The following SETD1B variants were observed in gnomAD, a reference collection of about 807,000 sequenced individuals.
The protein encoded by SETD1B is histone-lysine N-methyltransferase SETD1B.
In SETD1B, 7 loss-of-function variants were observed where a neutral mutation model predicts 148.0. That is an observed-to-expected ratio of 0.05 (90% confidence interval 0.03 to 0.09). SETD1B has a LOEUF of 0.09. Ranked by LOEUF, SETD1B falls within the 10% of genes least tolerant of loss-of-function variation. The pLI is 1.00. For synonymous variants in SETD1B, 1,361 were observed against 1,186.5 expected (o/e 1.15, Z -3.02); for missense variants, 2,155 against 2,729.9 (o/e 0.79, Z 4.69).
chr12:121,819,953 C>G (rs904504208), intron 11 of SETD1B, 58 bp downstream of exon 11: 53 of 1,415,440 alleles, frequency 3.7e-5, no homozygotes, highest in Non-Finnish European at 5.1e-5. Context: ...TCCTCACTGT[C>G]AGAATCAGCC....
chr12:121,821,436 TAA>T (rs554956574), intron 11 of SETD1B, among the ~76,000 whole-genome samples: 16 of 116,554 alleles, frequency 1.4e-4, no homozygotes, highest in Non-Finnish European at 1.3e-4. Context: ...GAGACTGTCT[TAA>T]AAAAAAAAAA....
At chr12:121,829,261 G>A (rs1254867361) in intron 16 of SETD1B, among the ~76,000 whole-genome samples, 2 of 152,180 alleles carry the variant, frequency 1.3e-5, no homozygotes, top group Non-Finnish European at 2.9e-5. Flanking sequence ...AGGGGTGAGA[G>A]TGGCCAAGGG....
At chr12:121,814,083 G>T in intron 6 of SETD1B, 23 bp from the exon 7 acceptor site, 1 of 1,537,742 alleles carries the variant, frequency 6.5e-7, no homozygotes. Flanking sequence ...TCACCTCACT[G>T]TCTCTCCCTG....
chr12:121,824,094 G>A (rs1359745631), intron 12 of SETD1B, among the ~76,000 whole-genome samples: 1 of 152,192 alleles, frequency 6.6e-6, no homozygotes. Context: ...AATCCCGGTA[G>A]CCTGGTGAAG....
At position 121,805,056 on chromosome 12, in the gene SETD1B, G is replaced by A; in HGVS notation, c.175-62G>A. On this transcript the variant is annotated intron_variant, in intron 2 of 16. Coordinates refer to ENST00000604567, the MANE Select transcript of SETD1B (RefSeq NM_001353345.2). The surrounding 1 kb of genome is among the most constrained non-coding windows in gnomAD (Gnocchi z 4.2). ...GAGTTTGACAAGTGCCTCGAGAAAG[G>A]GGTCTGCCCATGGGGAGGGGGACCA... The A allele has an allele frequency of 6.6e-7, 1 of 1,510,406 alleles. No homozygotes were observed. The highest frequency in any genetic ancestry group is 1.2e-5 in the South Asian group (1 of 82,612). The allele number at this position is 1,510,406 out of a possible 1,614,324, so 93.6% of individuals were successfully genotyped here.
chr12:121,830,212 C>T lies in SETD1B; in HGVS notation c.5874C>T (p.Ser1958=), dbSNP rs555503031. Residue 1958 remains serine (S), a synonymous_variant, in exon 17 of 17, where the codon TCC becomes TCT. Coordinates refer to ENST00000604567, the MANE Select transcript of SETD1B (RefSeq NM_001353345.2). This position sits in a 1 kb window ranked among gnomAD's most constrained non-coding sequence, Gnocchi z 5.7. ...TCAAGATCCCCTGCCTCTGTGGCTC[C>T]GAGAACTGCCGGGGGACCCTCAACT... ...EDVKIPCLCG[S]ENCRGTLN 28 of 1,551,118 alleles carry T rather than the reference C, an allele frequency of 1.8e-5. No individual in the cohort carries two copies. In the South Asian group the frequency reaches 2.4e-4, roughly 13 times the overall value.
At position 121,814,291 on chromosome 12, in the gene SETD1B, C is replaced by A. The variant is rs1368043466; in HGVS notation, c.2076C>A (p.Pro692=). ...PPPPGFPPLP[P]PPPPPPPQPG... is the part of the protein sequence containing the mutation. Reference sequence around the variant, plus strand: ...CACCTGGCTTCCCCCCGCTGCCCCCCCCACCACCACCACCCCCACCGCAGC... The same window carrying A: ...CACCTGGCTTCCCCCCGCTGCCCCCACCACCACCACCACCCCCACCGCAGC... Residue 692 remains proline, a synonymous_variant, in exon 7 of 17, where the codon CCC becomes CCA. Coordinates refer to ENST00000604567, the MANE Select transcript of SETD1B (RefSeq NM_001353345.2). 1.9e-4 allele frequency: 194 copies of A among 1,047,556 alleles called. No homozygotes were observed. Among genetic ancestry groups the A allele is most frequent in the Middle Eastern group, 1.4e-3 (4 of 2,774 alleles). The allele number at this position is 1,047,556 out of a possible 1,614,324, so 64.9% of individuals were successfully genotyped here.
chr12:121,817,888 A>C lies in SETD1B; in HGVS notation c.3402A>C (p.Glu1134Asp), dbSNP rs978182923. The C allele has an allele frequency of 6.5e-6, 10 of 1,549,294 alleles. No individual in the cohort carries two copies. The African/African-American group carries it at 9.6e-5, about 15-fold the overall frequency. ...TGTCAGAGGCGAGTGAGAAGGACGAAGGGGACTCGGATGAAGGTGAGCAGG... is the reference window on the plus strand; with the variant it reads ...TGTCAGAGGCGAGTGAGAAGGACGACGGGGACTCGGATGAAGGTGAGCAGG... ...TALSEASEKDEGDSDEEETVS... is the reference protein window; with the variant it reads ...TALSEASEKDDGDSDEEETVS... The change falls in exon 10 of 17, where the codon GAA becomes GAC. Residue 1134 changes from glutamate to aspartate, a missense_variant. By Grantham distance (45) the Glu-to-Asp change is conservative. This residue lies in a region of SETD1B where 862 missense variants were observed against 873.8 expected (regional missense o/e 0.99). Coordinates refer to ENST00000604567, the MANE Select transcript of SETD1B (RefSeq NM_001353345.2). This position sits in a 1 kb window ranked among gnomAD's most constrained non-coding sequence, Gnocchi z 8.1.
At chr12:121,801,155 G>C (rs1201495593), upstream of SETD1B, 1 of 152,222 alleles carries the variant, frequency 6.6e-6, no homozygotes, top group Non-Finnish European at 1.5e-5. Flanking sequence ...GCGCGCCCCG[G>C]AGCCCCGAGA....
At chr12:121,793,617 G>A in the SETD1B span, 2 of 1,545,106 alleles carry the variant, frequency 1.3e-6, no homozygotes, top group Non-Finnish European at 1.7e-6. Flanking sequence ...CTGGGCCAGG[G>A]CCCCGGGGGC....
At position 121,823,169 on chromosome 12, in the gene SETD1B, C is replaced by G. The variant is rs1484815786; in HGVS notation, c.4590C>G (p.Leu1530=). 1 of 1,545,718 alleles carries G rather than the reference C, an allele frequency of 6.5e-7. No individual in the cohort carries two copies. Among genetic ancestry groups the G allele is most frequent in the African/African-American group, 1.4e-5 (1 of 72,894 alleles). The change falls in exon 12 of 17, where the codon CTC becomes CTG. Residue 1530 remains leucine, a synonymous_variant. Transcript: ENST00000604567. ...GRPRRSPPSM[L]SLDGPLVRPP... Reference sequence around the variant, plus strand: ...CCCGGCGATCCCCACCATCTATGCTCTCCTTGGATGGGCCCTTGGTCCGAC... The same window carrying G: ...CCCGGCGATCCCCACCATCTATGCTGTCCTTGGATGGGCCCTTGGTCCGAC...
chr12:121,794,537 C>G, the SETD1B span, among the ~76,000 whole-genome samples: 1 of 152,222 alleles, frequency 6.6e-6, no homozygotes, highest in East Asian at 1.9e-4. Flanking sequence ...AACCCCACAC[C>G]CACCAAGAAA....
the SETD1B span, among the ~76,000 whole-genome samples, chr12:121,794,651 T>TA: frequency 6.6e-6 from 1 of 152,164 alleles, no homozygotes; most frequent in African/African-American, 2.4e-5. Flanking sequence ...GTTGAGCACT[T>TA]ACTGTAGGCA....
chr12:121,804,474 A>C lies in SETD1B; in HGVS notation c.-15+241A>C, dbSNP rs1875608099. Among the ~76,000 whole-genome samples, 1 of 149,020 alleles carries C rather than the reference A, an allele frequency of 6.7e-6. No individual in the cohort carries two copies. The highest frequency in any genetic ancestry group is 6.7e-5 in the Admixed American group (1 of 15,034). ...CGCCCCGGGCCCCGCCAGCCCGCCC[A>C]GGGGACCCCCGGGAGCCCCTCGCTG... is the stretch of plus-strand genomic sequence containing the variant. On this transcript the variant is annotated intron_variant, in intron 1 of 16. Coordinates refer to ENST00000604567, the MANE Select transcript of SETD1B (RefSeq NM_001353345.2). This position sits in a 1 kb window ranked among gnomAD's most constrained non-coding sequence, Gnocchi z 4.6.
At chr12:121,800,578 G>A (rs1875291276), upstream of SETD1B, 2 of 151,436 alleles carry the variant, frequency 1.3e-5, no homozygotes, top group Admixed American at 6.6e-5. Flanking sequence ...GACGAAAGAG[G>A]GAAGCGGTCC....
At chr12:121,820,882 T>A (rs1876536360) in intron 11 of SETD1B, among the ~76,000 whole-genome samples, 1 of 152,216 alleles carries the variant, frequency 6.6e-6, no homozygotes, top group South Asian at 2.1e-4. Context: ...CAGCTGCCCC[T>A]GTACATTGAA....
upstream of SETD1B, chr12:121,799,731 T>TGGGGGGGGGGGGGGGGGG (rs1308261766): frequency 1.3e-4 from 4 of 31,712 alleles, 1 homozygote; most frequent in Admixed American, 3.0e-4. Context: ...GGGGGGGGGG[T>TGGGGGGGGGGGGGGGGGG]GGGGTGGGGC....
intron 10 of SETD1B, among the ~76,000 whole-genome samples, chr12:121,818,197 T>C (rs968663981): frequency 6.6e-6 from 1 of 152,198 alleles, no homozygotes; most frequent in African/African-American, 2.4e-5. Context: ...ATAAAAATAC[T>C]TAGGGACCAG....
chr12:121,805,264 G>C lies in SETD1B; in HGVS notation c.273+48G>C. 8 of 1,397,166 alleles carry C rather than the reference G, an allele frequency of 5.7e-6. No homozygotes were observed. Among genetic ancestry groups the C allele is most frequent in the Non-Finnish European group, 7.8e-6 (8 of 1,024,684 alleles). The allele number at this position is 1,397,166 out of a possible 1,614,324, so 86.5% of individuals were successfully genotyped here. On this transcript the variant is annotated intron_variant, in intron 3 of 16. Transcript: ENST00000604567. This position sits in a 1 kb window ranked among gnomAD's most constrained non-coding sequence, Gnocchi z 4.2. ...CGCCGTCCCTCCCCCACCTCCCCGA[G>C]TTCGAAAATAACGCCAGTCCTGACC...
Sources: allele counts gnomAD v4.1 joint callset (sites outside exome capture counted in the v4.1 genomes callset), GRCh38; gene constraint gnomAD v4.1.1; regional missense constraint gnomAD v4.1.1; non-coding constraint Gnocchi (gnomAD v3.1); transcripts MANE v1.5; gene names NCBI Gene and HGNC (gene_info 2026-07-23, HGNC 2026-07-21).